The following FLT1 variants were observed in gnomAD, a reference collection of about 807,000 sequenced individuals.
FLT1 encodes the protein fms related receptor tyrosine kinase 1, also known as vascular endothelial growth factor receptor 1.
Under a neutral mutation model 156.3 loss-of-function variants are expected in FLT1, and 49 were observed. The ratio of observed to expected loss-of-function variants is 0.31; its 90% CI spans 0.25 to 0.40. The LOEUF (loss-of-function observed/expected upper bound fraction) is 0.40, where lower values mean the gene tolerates loss of function less well. Among genes scored for constraint, FLT1 ranks in the 10% least tolerant of loss-of-function variants. The pLI is 1.00. For synonymous variants in FLT1, 594 were observed against 583.8 expected, an observed-to-expected ratio of 1.02 and a Z score of -0.25; for missense variants, 1,322 against 1,637.2, an observed-to-expected ratio of 0.81 and a Z score of 3.32.
intron 13 of FLT1, chr13:28,387,003 C>G: frequency 9.6e-7 from 1 of 1,040,030 alleles, no homozygotes; most frequent in Non-Finnish European, 1.2e-6. Context: ...GTTTTTCTAG[C>G]TACAAAGTAT....
intron 14 of FLT1, among the ~76,000 whole-genome samples, chr13:28,363,079 A>G (rs1873168839): frequency 6.6e-6 from 1 of 151,438 alleles, no homozygotes; most frequent in Non-Finnish European, 1.5e-5. Flanking sequence ...TCTTTTGTTC[A>G]TACTTAATTC....
chr13:28,308,949 T>G (rs1276074307), intron 27 of FLT1, 22 bp from the exon 28 acceptor site: 1 of 1,476,064 alleles, frequency 6.8e-7, no homozygotes, highest in East Asian at 2.3e-5. Context: ...ACAGAAAGAA[T>G]TATCAAGACA....
At chr13:28,465,163 A>G (rs899091077) in intron 3 of FLT1, among the ~76,000 whole-genome samples, 5 of 152,004 alleles carry the variant, frequency 3.3e-5, no homozygotes, top group Admixed American at 3.3e-4. Flanking sequence ...TTAATGCTGC[A>G]CCTTCTCTAC....
chr13:28,467,370 G>T, intron 2 of FLT1, 151 bp downstream of exon 2: 1 of 686,288 alleles, frequency 1.5e-6, no homozygotes, highest in Non-Finnish European at 2.6e-6. Flanking sequence ...CCTTCCCCAT[G>T]AATCCCCTTT....
intron 14 of FLT1, among the ~76,000 whole-genome samples, chr13:28,384,538 C>A (rs554683180): frequency 6.6e-6 from 1 of 151,632 alleles, no homozygotes; most frequent in Non-Finnish European, 1.5e-5. Flanking sequence ...CCAAGTTCTA[C>A]AATACCTCAA....
At chr13:28,409,555 G>A (rs1328604057) in intron 10 of FLT1, among the ~76,000 whole-genome samples, 3 of 151,888 alleles carry the variant, frequency 2.0e-5, no homozygotes, top group African/African-American at 4.8e-5. Context: ...GGCTGGTCTC[G>A]AACTCCTGGG....
chr13:28,320,151 T>C (rs1480703681), intron 23 of FLT1, among the ~76,000 whole-genome samples: 1 of 151,868 alleles, frequency 6.6e-6, no homozygotes, highest in Admixed American at 6.6e-5. Context: ...TGGGGATTGA[T>C]GGGAGGTATG....
At chr13:28,405,343 T>A (rs10507384) in intron 11 of FLT1, among the ~76,000 whole-genome samples, 1 of 152,212 alleles carries the variant, frequency 6.6e-6, no homozygotes, top group Non-Finnish European at 1.5e-5. Context: ...GTTTTAGCTC[T>A]AAGTCTTGCA....
intron 1 of FLT1, among the ~76,000 whole-genome samples, chr13:28,492,496 T>A (rs761374195): frequency 6.6e-6 from 1 of 152,200 alleles, no homozygotes; most frequent in Non-Finnish European, 1.5e-5. Context: ...AATAAGCGCT[T>A]TAGAGGGGAA....
At position 28,396,971 on chromosome 13, in the gene FLT1, A is replaced by G; in HGVS notation, c.1649T>C (p.Phe550Ser). ...KVGTVGRNIS[F>S]YITDVPNGFH... ...GATGTGTGGCTTACCTGTGATATAA[A>G]AGCTTATGTTTCTTCCCACAGTCCC... The change falls in exon 12 of 30, where the codon TTT (phenylalanine) becomes TCT (serine). Residue 550 changes from phenylalanine to serine, a missense_variant. Physicochemically the swap from Phe to Ser is radical, Grantham distance 155 (BLOSUM62 -2). This residue lies in a region of FLT1 where 991 missense variants were observed against 1,254.8 expected (regional missense o/e 0.79). Coordinates refer to ENST00000282397, the MANE Select transcript of FLT1 (RefSeq NM_002019.4). The G allele has an allele frequency of 6.3e-7, 1 of 1,594,194 alleles. No homozygotes were observed. Among genetic ancestry groups the G allele is most frequent in the Non-Finnish European group, 8.6e-7 (1 of 1,161,844 alleles).
At chr13:28,376,191 T>C (rs61763256) in intron 14 of FLT1, among the ~76,000 whole-genome samples, 13,611 of 152,210 alleles carry the variant, frequency 0.089, 650 homozygotes, top group South Asian at 0.13. Context: ...GTGTCAGTGA[T>C]ATAGTGTGAC....
chr13:28,390,256 G>T, intron 12 of FLT1, 152 bp from the exon 13 acceptor site: 1 of 996,238 alleles, frequency 1.0e-6, no homozygotes, highest in Non-Finnish European at 1.5e-6. Context: ...AAACACAGCA[G>T]GTGGGAATCA....
chr13:28,471,730 A>T (rs1185974645), intron 1 of FLT1, among the ~76,000 whole-genome samples: 5 of 152,196 alleles, frequency 3.3e-5, no homozygotes, highest in Non-Finnish European at 7.3e-5. Context: ...AGAACTTTCT[A>T]ATGCTTCACA....
At chr13:28,316,638 CTTTTT>C (rs572382294) in intron 25 of FLT1, among the ~76,000 whole-genome samples, 1 of 134,684 alleles carries the variant, frequency 7.4e-6, no homozygotes, top group African/African-American at 2.7e-5. Flanking sequence ...CTAAAAGGTT[CTTTTT>C]TTTTTTTTTT....
intron 12 of FLT1, chr13:28,396,695 A>G: frequency 1.8e-6 from 1 of 569,286 alleles, no homozygotes; most frequent in East Asian, 3.4e-5. Flanking sequence ...TGAAAAAATG[A>G]GCATACAAGA....
At chr13:28,336,061 T>A (rs1184605063) in intron 17 of FLT1, among the ~76,000 whole-genome samples, 1 of 152,212 alleles carries the variant, frequency 6.6e-6, no homozygotes, top group African/African-American at 2.4e-5. Flanking sequence ...GCCTGAGAAA[T>A]ATCCAGATCT....
chr13:28,416,346 C>G lies in FLT1; in HGVS notation c.1437-10452G>C, dbSNP rs2387635. Among the ~76,000 whole-genome samples, 1,361 of 152,294 alleles carry G rather than the reference C, an allele frequency of 8.9e-3. 56 individuals are homozygous for G. Among genetic ancestry groups the G allele is most frequent in the Admixed American group, 0.063 (969 of 15,298 alleles). Reference sequence around the variant, plus strand: ...ATTGTGAGCTTTTGATGTCACCCTACTGGTTTTCAGGATCGTGAGCTTTTG... The same window carrying G: ...ATTGTGAGCTTTTGATGTCACCCTAGTGGTTTTCAGGATCGTGAGCTTTTG... On this transcript the variant is annotated intron_variant, in intron 10 of 29. Transcript: ENST00000282397.
chr13:28,398,736 T>C (rs1379183843), intron 11 of FLT1, among the ~76,000 whole-genome samples: 3 of 152,190 alleles, frequency 2.0e-5, no homozygotes, highest in East Asian at 3.9e-4. Context: ...CAGACATTTA[T>C]TGAGTGATTA....
intron 15 of FLT1, chr13:28,345,765 A>C (rs1014199551): frequency 1.8e-5 from 9 of 497,472 alleles, no homozygotes; most frequent in Non-Finnish European, 2.9e-5. Flanking sequence ...ACATGAACTC[A>C]CATAATGAAC....
Sources: gnomAD v4.1 joint callset for allele counts (sites outside exome capture counted in the v4.1 genomes callset) on GRCh38, gnomAD v4.1.1 for gene constraint, gnomAD v4.1.1 regional missense constraint, MANE v1.5 for transcripts, NCBI Gene and HGNC (gene_info 2026-07-23, HGNC 2026-07-21) for gene names.